Variants in SIGLECL1 observed in about 807,000 individuals in gnomAD.
SIGLECL1 encodes the protein SIGLEC family-like protein 1.
Under a neutral mutation model 19.1 loss-of-function variants are expected in SIGLECL1, and 16 were observed. The ratio of observed to expected loss-of-function variants is 0.84; its 90% confidence interval spans 0.57 to 1.27. SIGLECL1 has a LOEUF of 1.27. Ranked by LOEUF, SIGLECL1 falls within the 50% of genes most tolerant of loss-of-function variation. The probability of loss-of-function intolerance (pLI) is 0.00; values close to 1 mark genes in which losing one functional copy is unlikely to be tolerated. For missense variants in SIGLECL1, 210 were observed against 239.4 expected, an observed-to-expected ratio of 0.88 and a Z score of 0.81; for synonymous variants, 89 against 90.4, an observed-to-expected ratio of 0.98 and a Z score of 0.09.
intron 1 of SIGLECL1, among the ~76,000 whole-genome samples, chr19:51,261,989 C>T (rs1014167467): frequency 2.0e-5 from 3 of 152,188 alleles, no homozygotes; most frequent in Non-Finnish European, 4.4e-5. Flanking sequence ...ACCCCAAACA[C>T]TCCACTCATG....
chr19:51,256,612 T>C (rs1380149579), intron 1 of SIGLECL1, among the ~76,000 whole-genome samples: 1 of 152,188 alleles, frequency 6.6e-6, no homozygotes, highest in Admixed American at 6.5e-5. Context: ...GTGACTATGG[T>C]AAATAACACT....
At chr19:51,254,090 G>A (rs564014174) in intron 1 of SIGLECL1, among the ~76,000 whole-genome samples, 34 of 152,236 alleles carry the variant, frequency 2.2e-4, no homozygotes, top group East Asian at 7.7e-4. Context: ...AGGCTGAGGC[G>A]GGAGAATTGC....
At chr19:51,256,086 T>TGCGC (rs1216500568) in intron 1 of SIGLECL1, 1 of 148,290 alleles carries the variant, frequency 6.7e-6, no homozygotes, top group African/African-American at 2.5e-5. Flanking sequence ...TATACACACA[T>TGCGC]GCACGCACAC....
chr19:51,246,369 A>G (rs932111707), upstream of SIGLECL1: 3 of 152,184 alleles, frequency 2.0e-5, no homozygotes, highest in Non-Finnish European at 4.4e-5. Context: ...TTCGAAAGGG[A>G]TCCATGGGGC....
chr19:51,252,606 A>C (rs2123378988), intron 1 of SIGLECL1, among the ~76,000 whole-genome samples: 1 of 152,298 alleles, frequency 6.6e-6, no homozygotes, highest in African/African-American at 2.4e-5. Context: ...AAAAATTGAC[A>C]ATGCAAAAAG....
At chr19:51,247,930 ATTTC>A (rs1453945162), upstream of SIGLECL1, among the ~76,000 whole-genome samples, 2 of 152,132 alleles carry the variant, frequency 1.3e-5, no homozygotes, top group African/African-American at 4.8e-5. Context: ...TGAGGTTCTA[ATTTC>A]TTTGTTTTCC....
At chr19:51,253,515 G>A (rs1156713214) in intron 1 of SIGLECL1, among the ~76,000 whole-genome samples, 5 of 152,184 alleles carry the variant, frequency 3.3e-5, no homozygotes, top group Admixed American at 2.0e-4. Context: ...ATTTATGATT[G>A]TTTTTAGTCT....
rs1983571010 is a variant in SIGLECL1 at position 51,265,450 on chromosome 19, C to G, written c.105C>G (p.Pro35=). 3.7e-6 allele frequency: 6 copies of G among 1,614,172 alleles called. No homozygotes were observed. The highest frequency in any genetic ancestry group is 1.7e-6 in the Non-Finnish European group (2 of 1,180,038). ...CSCSFHGIPT[P]SVQWWMGGVP... ...GTTCCTTCCATGGGATTCCCACACCCTCTGTGCAGTGGTGGATGGGAGGAG... is the reference window on the plus strand; with the variant it reads ...GTTCCTTCCATGGGATTCCCACACCGTCTGTGCAGTGGTGGATGGGAGGAG... Residue 35 remains proline (P), a synonymous_variant, in exon 3 of 6, where the codon CCC becomes CCG. Coordinates refer to ENST00000601727, the MANE Select transcript of SIGLECL1 (RefSeq NM_001385465.1).
intron 1 of SIGLECL1, among the ~76,000 whole-genome samples, chr19:51,263,569 C>A (rs965150084): frequency 2.6e-5 from 4 of 152,062 alleles, no homozygotes; most frequent in Non-Finnish European, 5.9e-5. Flanking sequence ...ACCAGCCTGG[C>A]CAACATGGTG....
chr19:51,260,062 G>A (rs1401555034), intron 1 of SIGLECL1, among the ~76,000 whole-genome samples: 1 of 152,238 alleles, frequency 6.6e-6, no homozygotes, highest in Non-Finnish European at 1.5e-5. Flanking sequence ...TGGCCATATG[G>A]TCAGGCAGAT....
chr19:51,264,426 GA>G, intron 2 of SIGLECL1: 1 of 264,646 alleles, frequency 3.8e-6, no homozygotes, highest in Non-Finnish European at 7.3e-6. Context: ...TTGCCAGGTG[GA>G]AAAGACAATT....
Position 51,264,084 on chromosome 19 carries a change from G to A in SIGLECL1, c.12G>A (p.Leu4=). 1 of 1,613,992 alleles carries A rather than the reference G, an allele frequency of 6.2e-7. No homozygotes were observed. Among genetic ancestry groups the A allele is most frequent in the Non-Finnish European group, 8.5e-7 (1 of 1,179,960 alleles). ...TGCTGCTGGAAGTGATGCTTCCACT[G>A]CTACAGCTGGGTAAGTAAGGTGAGA... MLP[L]LQLVPAKLLN... The change falls in exon 2 of 6, where the codon CTG becomes CTA. Residue 4 remains leucine (L), a synonymous_variant. Transcript: ENST00000601727.
upstream of SIGLECL1, among the ~76,000 whole-genome samples, chr19:51,246,857 G>A (rs1400769896): frequency 2.0e-5 from 3 of 152,122 alleles, no homozygotes; most frequent in African/African-American, 7.2e-5. Flanking sequence ...AATCACCCCA[G>A]CACCTGGACC....
rs749376629 is a variant in SIGLECL1 at position 51,267,414 on chromosome 19, C to T, written c.452C>T (p.Ala151Val). 2.9e-5 allele frequency: 46 copies of T among 1,613,660 alleles called. No individual in the cohort carries two copies. The Admixed American group carries it at 5.5e-4, about 19-fold the overall frequency. ...AAGAAGCAGGCGAAGAAAGCTGCAGCGATCAGAGCAAAAAAGAGCTCTAAA... is the reference window on the plus strand; with the variant it reads ...AAGAAGCAGGCGAAGAAAGCTGCAGTGATCAGAGCAAAAAAGAGCTCTAAA... ...IRKKQAKKAAAIRAKKSSKVR... is the reference protein window; with the variant it reads ...IRKKQAKKAAVIRAKKSSKVR... The change falls in exon 5 of 6, where the codon GCG (alanine) becomes GTG (valine). Residue 151 changes from alanine (A) to valine (V), a missense_variant. Coordinates refer to ENST00000601727, the MANE Select transcript of SIGLECL1 (RefSeq NM_001385465.1).
Position 51,268,563 on chromosome 19 carries a change from G to T in SIGLECL1, c.568-8G>T. The T allele has an allele frequency of 6.2e-7, 1 of 1,613,724 alleles. No homozygotes were observed. The highest frequency in any genetic ancestry group is 1.3e-5 in the African/African-American group (1 of 74,876). ...TTTTCTTTGTTCTATTTTGCACCTCGCTTTCAGGAAAAGCAAGATAAACGA... is the reference window on the plus strand; with the variant it reads ...TTTTCTTTGTTCTATTTTGCACCTCTCTTTCAGGAAAAGCAAGATAAACGA... On this transcript the variant is annotated splice_polypyrimidine_tract_variant and splice_region_variant and intron_variant, in intron 5 of 5. Coordinates refer to ENST00000601727, the MANE Select transcript of SIGLECL1 (RefSeq NM_001385465.1).
chr19:51,263,018 C>T (rs1983347752), intron 1 of SIGLECL1, among the ~76,000 whole-genome samples: 1 of 152,188 alleles, frequency 6.6e-6, no homozygotes, highest in South Asian at 2.1e-4. Context: ...CCCACCTTAA[C>T]CTTTCAAGTA....
At position 51,268,678 on chromosome 19, in the gene SIGLECL1, A is replaced by G; in HGVS notation, c.*81A>G. 6.9e-7 allele frequency: 1 copy of G among 1,452,540 alleles called. No homozygotes were observed. Among genetic ancestry groups the G allele is most frequent in the Admixed American group, 1.9e-5 (1 of 53,226 alleles). 90.0% of individuals were successfully genotyped at this position (1,452,540 alleles called of 1,614,324 possible). On this transcript the variant is annotated 3_prime_UTR_variant, in exon 6 of 6. Transcript: ENST00000601727. ...TCTGCAAAATTTATAGCGCTCACAG[A>G]AACCCTGGAGGCTGTAATAAACCTG...
At chr19:51,263,658 T>C (rs1420648036) in intron 1 of SIGLECL1, among the ~76,000 whole-genome samples, 2 of 152,112 alleles carry the variant, frequency 1.3e-5, no homozygotes, top group African/African-American at 2.4e-5. Context: ...CTCGGGAGGC[T>C]AAGGCAGAAG....
intron 1 of SIGLECL1, among the ~76,000 whole-genome samples, chr19:51,258,281 T>C: frequency 6.6e-6 from 1 of 152,146 alleles, no homozygotes; most frequent in Non-Finnish European, 1.5e-5. Context: ...TTCAGTTGTA[T>C]CAGAAATGGG....
Sources: allele counts gnomAD v4.1 joint callset (sites outside exome capture counted in the v4.1 genomes callset), GRCh38; gene constraint gnomAD v4.1.1; transcripts MANE v1.5; gene names NCBI Gene and HGNC (gene_info 2026-07-23, HGNC 2026-07-21).